Variants in DEPDC1B observed in about 807,000 individuals in gnomAD.
DEPDC1B encodes DEP domain-containing protein 1B.
A neutral mutation model predicts 66.5 loss-of-function variants in DEPDC1B; 51 were observed. That is an observed-to-expected ratio of 0.77 (90% confidence interval 0.61 to 0.97). The LOEUF (loss-of-function observed/expected upper bound fraction) is 0.97. Among genes scored for constraint, DEPDC1B ranks in the 50% least tolerant of loss-of-function variants. The probability of loss-of-function intolerance (pLI) is 0.00; values close to 1 mark genes in which losing one functional copy is unlikely to be tolerated. For synonymous variants in DEPDC1B, 226 were observed against 223.6 expected (o/e 1.01, Z -0.10); for missense variants, 552 against 637.1 (o/e 0.87, Z 1.44).
rs747266027 is a variant in DEPDC1B, at chr5:60,645,472, T to C, written c.578+20A>G. The C allele has an allele frequency of 1.9e-6, 3 of 1,564,908 alleles. No homozygotes were observed. Among genetic ancestry groups the C allele is most frequent in the Admixed American group, 1.9e-5 (1 of 51,514 alleles). ...GAAACAATATCTCTAAAATTTCTCA[T>C]TAATATCAAATGTACATACTATGAT... On this transcript the variant is annotated intron_variant, in intron 4 of 10. Transcript: ENST00000265036.
At chr5:60,637,050 A>T (rs1010425237) in intron 7 of DEPDC1B, among the ~76,000 whole-genome samples, 2 of 152,240 alleles carry the variant, frequency 1.3e-5, no homozygotes, top group African/African-American at 4.8e-5. Flanking sequence ...TACTTTTACT[A>T]TAGAACATTA....
chr5:60,660,552 C>G (rs373804570), intron 2 of DEPDC1B, among the ~76,000 whole-genome samples: 3 of 152,122 alleles, frequency 2.0e-5, no homozygotes, highest in African/African-American at 4.8e-5. Flanking sequence ...CCCAGTAACC[C>G]GTGGATGGCC....
At chr5:60,600,637 G>A (rs1352543023) in intron 9 of DEPDC1B, among the ~76,000 whole-genome samples, 1 of 152,158 alleles carries the variant, frequency 6.6e-6, no homozygotes, top group Non-Finnish European at 1.5e-5. Context: ...AAAGGTAACT[G>A]GACAAATGAA....
chr5:60,649,618 C>T (rs1266912784), intron 2 of DEPDC1B, among the ~76,000 whole-genome samples: 1 of 152,054 alleles, frequency 6.6e-6, no homozygotes, highest in African/African-American at 2.4e-5. Flanking sequence ...ATTTTTCACT[C>T]AGAGAAATTA....
At chr5:60,614,250 C>G (rs1192385466) in intron 7 of DEPDC1B, among the ~76,000 whole-genome samples, 3 of 152,206 alleles carry the variant, frequency 2.0e-5, no homozygotes, top group African/African-American at 7.2e-5. Flanking sequence ...TCATAGTTAA[C>G]AAATAAACAA....
At chr5:60,605,494 C>G (rs1752290384) in intron 8 of DEPDC1B, among the ~76,000 whole-genome samples, 196 bp downstream of exon 8, 2 of 152,114 alleles carry the variant, frequency 1.3e-5, no homozygotes, top group Admixed American at 1.3e-4. Flanking sequence ...GAGTCTGCCC[C>G]TACTCAAGTC....
intron 7 of DEPDC1B, among the ~76,000 whole-genome samples, chr5:60,618,689 A>G (rs1752625723): frequency 6.6e-6 from 1 of 152,244 alleles, no homozygotes; most frequent in African/African-American, 2.4e-5. Context: ...ACGGATTCAC[A>G]GCCAAATTCT....
chr5:60,619,002 G>C (rs907048833), intron 7 of DEPDC1B, among the ~76,000 whole-genome samples: 2 of 152,072 alleles, frequency 1.3e-5, no homozygotes, highest in African/African-American at 4.8e-5. Flanking sequence ...ATCAATAAAC[G>C]TAATCCAGCA....
intron 1 of DEPDC1B, among the ~76,000 whole-genome samples, chr5:60,698,524 C>T (rs534621986): frequency 6.6e-6 from 1 of 152,330 alleles, no homozygotes; most frequent in East Asian, 1.9e-4. Context: ...AGCCAAGTCA[C>T]ATTATTTGTG....
At position 60,693,237 on chromosome 5, in the gene DEPDC1B, C is replaced by A. The variant is rs1448149926; in HGVS notation, c.49-6010G>T. Among the ~76,000 whole-genome samples, 3 of 152,038 alleles carry A rather than the reference C, an allele frequency of 2.0e-5. No individual in the cohort carries two copies. The East Asian group carries it at 5.8e-4, about 29-fold the overall frequency. On this transcript the variant is annotated intron_variant, in intron 1 of 10. Transcript: ENST00000265036. Reference sequence around the variant, plus strand: ...AAATTATTACCCACATGAAAGTTGGCAAATATGAACTGGTTGGTTGGGGTG... The same window carrying A: ...AAATTATTACCCACATGAAAGTTGGAAAATATGAACTGGTTGGTTGGGGTG...
At chr5:60,615,703 T>G (rs979014052) in intron 7 of DEPDC1B, among the ~76,000 whole-genome samples, 3 of 152,310 alleles carry the variant, frequency 2.0e-5, no homozygotes, top group Non-Finnish European at 4.4e-5. Context: ...CTCTGTAGAC[T>G]CCACCTCTGG....
At chr5:60,682,211 T>TG (rs1754310955) in intron 2 of DEPDC1B, among the ~76,000 whole-genome samples, 1 of 152,190 alleles carries the variant, frequency 6.6e-6, no homozygotes, top group African/African-American at 2.4e-5. Flanking sequence ...TCATGTCCTT[T>TG]GTAGGGACAT....
intron 9 of DEPDC1B, among the ~76,000 whole-genome samples, chr5:60,599,729 A>T (rs1440686758): frequency 6.6e-6 from 1 of 152,244 alleles, no homozygotes; most frequent in Non-Finnish European, 1.5e-5. Flanking sequence ...CCTTAAAGAC[A>T]TGTTCATGCT....
chr5:60,663,476 T>C (rs1026744534), intron 2 of DEPDC1B, among the ~76,000 whole-genome samples: 3 of 152,226 alleles, frequency 2.0e-5, no homozygotes, highest in Non-Finnish European at 4.4e-5. Context: ...CCTTATACTA[T>C]GCTTTCCCAA....
At chr5:60,678,277 C>G (rs1046913307) in intron 2 of DEPDC1B, among the ~76,000 whole-genome samples, 5 of 152,154 alleles carry the variant, frequency 3.3e-5, no homozygotes, top group African/African-American at 1.2e-4. Flanking sequence ...TTCTGCCACC[C>G]AGCGGTGCTA....
At chr5:60,666,719 T>C (rs904976156) in intron 2 of DEPDC1B, among the ~76,000 whole-genome samples, 1 of 152,128 alleles carries the variant, frequency 6.6e-6, no homozygotes, top group African/African-American at 2.4e-5. Flanking sequence ...TAGTTTTGTT[T>C]AGTGACTGGT....
At chr5:60,614,459 A>C (rs1162988577) in intron 7 of DEPDC1B, among the ~76,000 whole-genome samples, 6 of 152,322 alleles carry the variant, frequency 3.9e-5, no homozygotes, top group African/African-American at 1.4e-4. Context: ...AGGAGATGGA[A>C]CTACAAGCAT....
rs1431514279 is a variant in DEPDC1B, at chr5:60,604,409, C to T, written c.1066-842G>A. Among the ~76,000 whole-genome samples, 5 of 150,860 alleles carry T rather than the reference C, an allele frequency of 3.3e-5. No individual in the cohort carries two copies. The South Asian group carries it at 8.4e-4, about 25-fold the overall frequency. On this transcript the variant is annotated intron_variant, in intron 8 of 10. Transcript: ENST00000265036. Reference sequence around the variant, plus strand: ...CTAATTTTTGTAATTTTAATAGAGACGGGGTTTCACCATGTTGGTCAGGCT... The same window carrying T: ...CTAATTTTTGTAATTTTAATAGAGATGGGGTTTCACCATGTTGGTCAGGCT...
In DEPDC1B at chr5:60,647,479, C is replaced by T. The variant is rs1468179790; in HGVS notation, c.369G>A (p.Lys123=). ...KPYPKKPPNQ[K]DVIKFPEWND... ...TCCATTCTGGAAATTTAATAACATCCTTTTGGTTTGGGGGCTTCTTTGGAT... is the reference window on the plus strand; with the variant it reads ...TCCATTCTGGAAATTTAATAACATCTTTTTGGTTTGGGGGCTTCTTTGGAT... Residue 123 remains lysine, a synonymous_variant, in exon 3 of 11, where the codon AAG becomes AAA. Coordinates refer to ENST00000265036, the MANE Select transcript of DEPDC1B (RefSeq NM_018369.3). 11 of 1,612,494 alleles carry T rather than the reference C, an allele frequency of 6.8e-6. No homozygotes were observed. The South Asian group carries it at 8.8e-5, about 13-fold the overall frequency.
Sources: gnomAD v4.1 joint callset for allele counts (sites outside exome capture counted in the v4.1 genomes callset) on GRCh38, gnomAD v4.1.1 for gene constraint, MANE v1.5 for transcripts, NCBI Gene and HGNC (gene_info 2026-07-23, HGNC 2026-07-21) for gene names.